The following GIPC2 variants were observed in gnomAD, a reference collection of about 807,000 sequenced individuals.
GIPC2 encodes GIPC PDZ domain containing family member 2, also known as PDZ domain-containing protein GIPC2.
A neutral mutation model predicts 30.6 loss-of-function variants in GIPC2; 30 were observed. The observed-to-expected ratio is 0.98, with a 90% CI of 0.73 to 1.33. The LOEUF (loss-of-function observed/expected upper bound fraction) is 1.33, where lower values mean the gene tolerates loss of function less well. Ranked by LOEUF, GIPC2 falls within the 40% of genes most tolerant of loss-of-function variation. GIPC2 has a pLI of 0.00. For missense variants in GIPC2, 414 were observed against 390.3 expected (o/e 1.06, Z -0.51); for synonymous variants, 167 against 150.0 (o/e 1.11, Z -0.83).
chr1:78,065,092 G>A (rs922005596), intron 1 of GIPC2, among the ~76,000 whole-genome samples: 1 of 152,006 alleles, frequency 6.6e-6, no homozygotes, highest in African/African-American at 2.4e-5. Context: ...TCTCGCCTCA[G>A]CCCCTGAGTA....
intron 2 of GIPC2, chr1:78,091,479 T>G (rs1662036912): frequency 1.5e-6 from 1 of 659,328 alleles, no homozygotes; most frequent in Non-Finnish European, 2.8e-6. Context: ...CCTTCCCTGT[T>G]TTCACCTCCC....
intron 3 of GIPC2, among the ~76,000 whole-genome samples, chr1:78,096,303 T>C (rs2100380986): frequency 6.6e-6 from 1 of 152,316 alleles, no homozygotes; most frequent in East Asian, 1.9e-4. Flanking sequence ...GATGGCTTCA[T>C]TTGGTAACCT....
chr1:78,080,856 T>C lies in GIPC2; in HGVS notation c.422T>C (p.Ile141Thr), dbSNP rs1557535625. ...ITDNGVGYAF[I>T]KRIKDGGVID... ...GATAATGGTGTTGGCTATGCTTTTA[T>C]AAAGGTAAGTTTTAAAAAATAACAG... is the stretch of plus-strand genomic sequence containing the variant. The change falls in exon 2 of 6, where the codon ATA (isoleucine) becomes ACA (threonine). Residue 141 changes from isoleucine to threonine, a missense_variant. Coordinates refer to ENST00000370759, the MANE Select transcript of GIPC2 (RefSeq NM_017655.6). The C allele has an allele frequency of 3.2e-6, 5 of 1,572,526 alleles. No homozygotes were observed. The highest frequency in any genetic ancestry group is 4.3e-6 in the Non-Finnish European group (5 of 1,154,540).
chr1:78,125,338 C>T (rs913000123), intron 4 of GIPC2, among the ~76,000 whole-genome samples: 2 of 152,112 alleles, frequency 1.3e-5, no homozygotes, highest in African/African-American at 4.8e-5. Flanking sequence ...CCACACCCAG[C>T]TAATTATTTT....
chr1:78,110,218 G>A (rs922967766), intron 3 of GIPC2, among the ~76,000 whole-genome samples: 9 of 152,020 alleles, frequency 5.9e-5, no homozygotes, highest in African/African-American at 1.7e-4. Flanking sequence ...TGCTTGATAG[G>A]TAGCCATCTG....
intron 4 of GIPC2, among the ~76,000 whole-genome samples, chr1:78,124,274 A>G (rs1662741706): frequency 1.3e-5 from 2 of 152,178 alleles, no homozygotes; most frequent in African/African-American, 2.4e-5. Context: ...AAGAACAAAA[A>G]TGTTTTGGTA....
In GIPC2 at chr1:78,119,359, G is replaced by A. The variant is rs1323131152; in HGVS notation, c.608-34G>A. The A allele has an allele frequency of 4.4e-6, 5 of 1,136,646 alleles. No homozygotes were observed. The African/African-American group carries it at 6.1e-5, about 14-fold the overall frequency. 70.4% of individuals were successfully genotyped at this position (1,136,646 alleles called of 1,614,324 possible). A position where few individuals can be genotyped will look rare whatever the true frequency, so the allele number is the denominator to read the frequency against. The stretch of plus-strand genomic sequence containing the variant: ...AGTAATCTGTTGGGATGCTTTCTGT[G>A]TATATGTATGTTTCCCTGTTCATTG... On this transcript the variant is annotated intron_variant, in intron 3 of 5. Coordinates refer to ENST00000370759, the MANE Select transcript of GIPC2 (RefSeq NM_017655.6).
At chr1:78,118,041 A>G (rs507045) in intron 3 of GIPC2, among the ~76,000 whole-genome samples, 32,902 of 150,578 alleles carry the variant, frequency 0.22, 4,037 homozygotes, top group East Asian at 0.61. Flanking sequence ...TCCCATCTCA[A>G]CCTCCTGAGT....
chr1:78,105,791 A>G lies in GIPC2; in HGVS notation c.607+10659A>G, dbSNP rs191646687. The stretch of plus-strand genomic sequence containing the variant: ...ATTTATTAGAAAACAGCAATTATAT[A>G]AATAATACATATTCTCCCCAAGAGT... On this transcript the variant is annotated intron_variant, in intron 3 of 5. Coordinates refer to ENST00000370759, the MANE Select transcript of GIPC2 (RefSeq NM_017655.6). 2.1e-3 allele frequency among the ~76,000 whole-genome samples: 313 copies of G among 152,354 alleles called. 4 individuals are homozygous for G. The highest frequency in any genetic ancestry group is 6.8e-3 in the African/African-American group (281 of 41,576).
At position 78,118,247 on chromosome 1, in the gene GIPC2, C is replaced by CAAAAAA. The variant is rs71810685; in HGVS notation, c.608-1128_608-1123dup. Among the ~76,000 whole-genome samples, 13 of 34,234 alleles carry CAAAAAA rather than the reference C, an allele frequency of 3.8e-4. 1 individual carries two copies. The highest frequency in any genetic ancestry group is 1.3e-3 in the South Asian group (1 of 786). 22.5% of individuals were successfully genotyped at this position (34,234 alleles called of 152,430 possible). On this transcript the variant is annotated intron_variant, in intron 3 of 5. Transcript: ENST00000370759. ...CTGGCCTGAGTCTCCAGTTTCATTG[C>CAAAAAA]AAAAAAAAAAAAAAAAAAAAAAAGT...
intron 3 of GIPC2, among the ~76,000 whole-genome samples, chr1:78,103,160 A>C (rs1662282631): frequency 6.6e-6 from 1 of 152,244 alleles, no homozygotes; most frequent in African/African-American, 2.4e-5. Flanking sequence ...TGTTACAGTG[A>C]GTCAACATGC....
chr1:78,060,291 T>C (rs573720501), intron 1 of GIPC2, among the ~76,000 whole-genome samples: 42 of 152,106 alleles, frequency 2.8e-4, no homozygotes, highest in African/African-American at 8.4e-4. Context: ...ATTATAGGTG[T>C]GCACCACCAT....
chr1:78,062,505 CTTTTTTTT>C (rs373436177), intron 1 of GIPC2, among the ~76,000 whole-genome samples: 1 of 138,652 alleles, frequency 7.2e-6, no homozygotes, highest in Non-Finnish European at 1.6e-5. Context: ...TTTTCTTTTT[CTTTTTTTT>C]TTTTTTTAAT....
At chr1:78,093,705 A>G (rs1187902189) in intron 2 of GIPC2, among the ~76,000 whole-genome samples, 1 of 152,180 alleles carries the variant, frequency 6.6e-6, no homozygotes, top group African/African-American at 2.4e-5. Flanking sequence ...TTATACTTCC[A>G]CCTAGCAAGG....
chr1:78,090,996 C>G (rs927323632), intron 2 of GIPC2, among the ~76,000 whole-genome samples: 2 of 152,128 alleles, frequency 1.3e-5, no homozygotes, highest in Admixed American at 6.5e-5. Context: ...TTTCAGAGTT[C>G]AAAGGTGATA....
At chr1:78,134,863 A>G (rs1571535886) in intron 5 of GIPC2, among the ~76,000 whole-genome samples, 1 of 152,092 alleles carries the variant, frequency 6.6e-6, no homozygotes, top group East Asian at 1.9e-4. Flanking sequence ...TGGTGCTTCT[A>G]GGGTGCTGAG....
At chr1:78,123,853 G>GCATAGC (rs1266073271) in intron 4 of GIPC2, among the ~76,000 whole-genome samples, 1 of 152,170 alleles carries the variant, frequency 6.6e-6, no homozygotes, top group Non-Finnish European at 1.5e-5. Flanking sequence ...ATAGCCTGTT[G>GCATAGC]CTTTATACAG....
At chr1:78,129,223 G>A (rs929596978) in intron 5 of GIPC2, among the ~76,000 whole-genome samples, 6 of 152,024 alleles carry the variant, frequency 3.9e-5, no homozygotes, top group African/African-American at 1.4e-4. Context: ...TACCTAGAGA[G>A]GTAAAGTGTA....
In GIPC2 at chr1:78,080,772, G is replaced by T. The variant is rs1428621965; in HGVS notation, c.338G>T (p.Gly113Val). ...LEDFIFAHVKGIEKEVNVYKS... is the reference protein window; with the variant it reads ...LEDFIFAHVKVIEKEVNVYKS... ...GATTTCATATTTGCCCATGTGAAAG[G>T]AATCGAAAAAGAAGTGAATGTGTAT... Residue 113 changes from glycine (G) to valine (V), a missense_variant, in exon 2 of 6, where the codon GGA (glycine) becomes GTA (valine). Coordinates refer to ENST00000370759, the MANE Select transcript of GIPC2 (RefSeq NM_017655.6). 6.2e-7 allele frequency: 1 copy of T among 1,609,320 alleles called. No homozygotes were observed. The highest frequency in any genetic ancestry group is 8.5e-7 in the Non-Finnish European group (1 of 1,175,742).
Sources: allele counts gnomAD v4.1 joint callset (sites outside exome capture counted in the v4.1 genomes callset), GRCh38; gene constraint gnomAD v4.1.1; transcripts MANE v1.5; gene names NCBI Gene and HGNC (gene_info 2026-07-23, HGNC 2026-07-21).